The following NRTN variants were observed in gnomAD, a reference collection of about 807,000 sequenced individuals.
NRTN encodes prepro-neurturin.
NRTN carries 3 observed loss-of-function variants against 7.5 expected under a neutral mutation model. The ratio of observed to expected loss-of-function variants is 0.40; its 90% CI spans 0.18 to 1.03. The LOEUF (loss-of-function observed/expected upper bound fraction) is 1.03. NRTN is among the 50% of genes least tolerant of loss of function. NRTN has a pLI of 0.34. For synonymous variants in NRTN, 157 were observed against 146.6 expected, an observed-to-expected ratio of 1.07 and a Z score of -0.51; for missense variants, 310 against 307.0, an observed-to-expected ratio of 1.01 and a Z score of -0.07.
In NRTN at chr19:5,807,341, CTA is replaced by C. The variant is rs58464506; in HGVS notation, c.-399+1892_-399+1893del. On this transcript the variant is annotated intron_variant, in intron 1 of 2. Transcript: ENST00000303212. The stretch of plus-strand genomic sequence containing the variant: ...ATGTATCTGGAGTCACTGGGCTGGA[CTA>C]TCTTTGCTGGGGGGCTGTGGGCTTC... Among the ~76,000 whole-genome samples, 398 of 152,250 alleles carry C rather than the reference CTA, an allele frequency of 2.6e-3. 4 individuals are homozygous for C. Among genetic ancestry groups the C allele is most frequent in the African/African-American group, 9.3e-3 (387 of 41,544 alleles).
chr19:5,810,921 C>A (rs1365897123), intron 1 of NRTN, among the ~76,000 whole-genome samples: 2 of 147,374 alleles, frequency 1.4e-5, no homozygotes, highest in African/African-American at 5.3e-5. Flanking sequence ...GAGCGAGACT[C>A]CATCTCAAAA....
chr19:5,823,225 T>C (rs1488360799), intron 1 of NRTN, among the ~76,000 whole-genome samples: 5 of 152,124 alleles, frequency 3.3e-5, no homozygotes, highest in Admixed American at 2.0e-4. Flanking sequence ...GAGACCAGCA[T>C]AGCTAACAGG....
At chr19:5,825,334 G>A (rs1186924687) in intron 2 of NRTN, among the ~76,000 whole-genome samples, 4 of 152,192 alleles carry the variant, frequency 2.6e-5, no homozygotes, top group Admixed American at 6.5e-5. Flanking sequence ...ATGTCCATGC[G>A]TGCGCCTGCG....
chr19:5,823,339 C>A (rs139529488), intron 1 of NRTN, among the ~76,000 whole-genome samples: 8,828 of 152,182 alleles, frequency 0.058, 859 homozygotes, highest in African/African-American at 0.2. Flanking sequence ...ATCGCTTGAA[C>A]CCGGGAGGCA....
At chr19:5,811,901 GCT>G (rs2056991776) in intron 1 of NRTN, among the ~76,000 whole-genome samples, 2 of 150,156 alleles carry the variant, frequency 1.3e-5, no homozygotes, top group South Asian at 4.2e-4. Flanking sequence ...GACAGAGTTC[GCT>G]CTGTTGCCCA....
Position 5,805,100 on chromosome 19 carries a change from C to G in NRTN, c.-750C>G, listed in dbSNP as rs1195667788. ...CGGGAGAGCGCGCCCTGAAGCCGCTCCGAGTGCCCAGGTCCCTCTCGCCGC... is the reference window on the plus strand; with the variant it reads ...CGGGAGAGCGCGCCCTGAAGCCGCTGCGAGTGCCCAGGTCCCTCTCGCCGC... On this transcript the variant is annotated 5_prime_UTR_variant, in exon 1 of 3. Coordinates refer to ENST00000303212, the MANE Select transcript of NRTN (RefSeq NM_004558.5). Among the ~76,000 whole-genome samples the G allele has an allele frequency of 1.4e-5, 2 of 146,706 alleles. No homozygotes were observed. The highest frequency in any genetic ancestry group is 3.0e-5 in the Non-Finnish European group (2 of 65,914).
chr19:5,811,750 C>T (rs1461544522), intron 1 of NRTN, among the ~76,000 whole-genome samples: 2 of 151,268 alleles, frequency 1.3e-5, no homozygotes, highest in African/African-American at 2.4e-5. Context: ...GGAGTTTCAC[C>T]ATGTTAGCCA....
chr19:5,812,588 C>T (rs953545157), intron 1 of NRTN, among the ~76,000 whole-genome samples: 6 of 152,218 alleles, frequency 3.9e-5, no homozygotes, highest in African/African-American at 7.2e-5. Flanking sequence ...GTCGCCAGTT[C>T]GAGGCTGTCC....
intron 2 of NRTN, among the ~76,000 whole-genome samples, chr19:5,827,526 G>C (rs1390682390): frequency 6.6e-6 from 1 of 152,016 alleles, no homozygotes; most frequent in Admixed American, 6.5e-5. Flanking sequence ...GACCAGCGTA[G>C]GGGTGTGAGT....
chr19:5,827,941 C>T lies in NRTN; in HGVS notation c.362C>T (p.Ser121Phe), dbSNP rs2057054268. Residue 121 changes from serine to phenylalanine, a missense_variant, in exon 3 of 3, where the codon TCC becomes TTC. Physicochemically the swap from Ser to Phe is radical, Grantham distance 155. Coordinates refer to ENST00000303212, the MANE Select transcript of NRTN (RefSeq NM_004558.5). ...AGCGAGCTGGGCCTGGGCTACGCGTCCGACGAGACGGTGCTGTTCCGCTAC... is the reference window on the plus strand; with the variant it reads ...AGCGAGCTGGGCCTGGGCTACGCGTTCGACGAGACGGTGCTGTTCCGCTAC... ...RVSELGLGYA[S>F]DETVLFRYCA... The T allele has an allele frequency of 1.3e-6, 2 of 1,485,820 alleles. No homozygotes were observed. Among genetic ancestry groups the T allele is most frequent in the Non-Finnish European group, 1.8e-6 (2 of 1,123,274 alleles). 92.0% of individuals were successfully genotyped at this position (1,485,820 alleles called of 1,614,324 possible).
chr19:5,817,516 GGAGA>G (rs369204830), intron 1 of NRTN, among the ~76,000 whole-genome samples: 38 of 134,752 alleles, frequency 2.8e-4, no homozygotes, highest in African/African-American at 5.4e-4. Context: ...AGGGAGGGAG[GGAGA>G]GAGAGAGGAA....
chr19:5,813,721 T>C (rs920769762), intron 1 of NRTN, among the ~76,000 whole-genome samples: 4 of 149,778 alleles, frequency 2.7e-5, no homozygotes, highest in Non-Finnish European at 5.9e-5. Flanking sequence ...ACACCTGTAG[T>C]CCCAGTTACT....
Position 5,828,016 on chromosome 19 carries a change from G to T in NRTN, c.437G>T (p.Arg146Leu), listed in dbSNP as rs1453489027. 7 of 1,434,762 alleles carry T rather than the reference G, an allele frequency of 4.9e-6. No homozygotes were observed. The East Asian group carries it at 1.8e-4, about 37-fold the overall frequency. The allele number at this position is 1,434,762 out of a possible 1,614,324, so 88.9% of individuals were successfully genotyped here. ...AAARVYDLGL[R>L]RLRQRRRLRR... The stretch of plus-strand genomic sequence containing the variant: ...GCGCGCGTCTACGACCTCGGGCTGC[G>T]ACGACTGCGCCAGCGGCGGCGCCTG... The change falls in exon 3 of 3, where the codon CGA becomes CTA. Residue 146 changes from arginine (R) to leucine (L), a missense_variant. Transcript: ENST00000303212.
chr19:5,817,620 GAAAA>G (rs375127949), intron 1 of NRTN, among the ~76,000 whole-genome samples: 1 of 100,256 alleles, frequency 1.0e-5, no homozygotes, highest in Non-Finnish European at 2.0e-5. Context: ...GAGAGAGAAA[GAAAA>G]AGAAGAAGGC....
intron 2 of NRTN, among the ~76,000 whole-genome samples, chr19:5,825,901 G>A (rs867955991): frequency 6.6e-6 from 1 of 152,196 alleles, no homozygotes; most frequent in South Asian, 2.1e-4. Context: ...TTGGGAGGCC[G>A]AGGTGGGCGG....
intron 1 of NRTN, among the ~76,000 whole-genome samples, chr19:5,819,827 G>A (rs925413554): frequency 1.6e-4 from 24 of 151,796 alleles, no homozygotes; most frequent in African/African-American, 4.6e-4. Context: ...TCCAGCCTGG[G>A]CAACAGAGTG....
intron 2 of NRTN, 32 bp from the exon 3 acceptor site, chr19:5,827,717 A>G (rs2144770882): frequency 1.0e-5 from 4 of 400,288 alleles, no homozygotes; most frequent in African/African-American, 2.2e-5. Context: ...GCACCCACTG[A>G]CCCCCCCTCC....
intron 1 of NRTN, among the ~76,000 whole-genome samples, chr19:5,818,614 G>C (rs1437571700): frequency 6.6e-6 from 1 of 151,982 alleles, no homozygotes; most frequent in Non-Finnish European, 1.5e-5. Context: ...GAGCTAGATT[G>C]CAAATGACAG....
chr19:5,817,485 AAGAG>A (rs1192485656), intron 1 of NRTN, among the ~76,000 whole-genome samples: 9 of 126,794 alleles, frequency 7.1e-5, no homozygotes, highest in East Asian at 3.5e-4. Flanking sequence ...AAGGAAGGGA[AAGAG>A]AGAGAGAAAG....
Sources: gnomAD v4.1 joint callset for allele counts (sites outside exome capture counted in the v4.1 genomes callset) on GRCh38, gnomAD v4.1.1 for gene constraint, MANE v1.5 for transcripts, NCBI Gene and HGNC (gene_info 2026-07-23, HGNC 2026-07-21) for gene names.